The following IL37 variants were observed in gnomAD, a reference collection of about 807,000 sequenced individuals.
The protein encoded by IL37 is interleukin-37.
A neutral mutation model predicts 15.4 loss-of-function variants in IL37; 15 were observed. The ratio of observed to expected loss-of-function variants is 0.98; its 90% CI spans 0.65 to 1.50. The LOEUF (loss-of-function observed/expected upper bound fraction) is 1.50. Among genes scored for constraint, IL37 ranks in the 40% most tolerant of loss-of-function variants. The probability of loss-of-function intolerance (pLI) is 0.00; values close to 1 mark genes in which losing one functional copy is unlikely to be tolerated. For synonymous variants in IL37, 98 were observed against 97.4 expected, an observed-to-expected ratio of 1.01 and a Z score of -0.03; for missense variants, 269 against 261.7, an observed-to-expected ratio of 1.03 and a Z score of -0.19.
At position 112,917,330 on chromosome 2, in the gene IL37, A is replaced by G; in HGVS notation, c.265+82A>G. On this transcript the variant is annotated intron_variant, in intron 4 of 5. Transcript: ENST00000263326. ...TGCTAGGTGGGCTCAACTCCATGCT[A>G]TACCATGCCCCATCTCCAGCAGGTG... 6 of 1,480,164 alleles carry G rather than the reference A, an allele frequency of 4.1e-6. No individual in the cohort carries two copies. In the Admixed American group the frequency reaches 1.0e-4, roughly 25 times the overall value. 91.7% of individuals were successfully genotyped at this position (1,480,164 alleles called of 1,614,324 possible).
At chr2:112,912,718 A>C (rs1203274725) in intron 1 of IL37, among the ~76,000 whole-genome samples, 1 of 152,222 alleles carries the variant, frequency 6.6e-6, no homozygotes, top group Non-Finnish European at 1.5e-5. Context: ...TTTTTGTAAA[A>C]TGCCAAGATC....
At chr2:112,912,701 T>C (rs1220610993) in intron 1 of IL37, among the ~76,000 whole-genome samples, 1 of 152,254 alleles carries the variant, frequency 6.6e-6, no homozygotes, top group Non-Finnish European at 1.5e-5. Flanking sequence ...TTAACTTTTT[T>C]ATTTTATTTT....
chr2:112,915,747 T>C (rs1683297254), intron 3 of IL37, among the ~76,000 whole-genome samples: 1 of 152,122 alleles, frequency 6.6e-6, no homozygotes, highest in African/African-American at 2.4e-5. Context: ...GGGAGTTACT[T>C]AGGATCTTGC....
intron 3 of IL37, 39 bp downstream of exon 3, chr2:112,913,893 G>A (rs751956970): frequency 2.6e-6 from 4 of 1,541,638 alleles, no homozygotes; most frequent in Non-Finnish European, 3.6e-6. Flanking sequence ...TGGCTGAGGT[G>A]CGAGGGTGGG....
intron 1 of IL37, among the ~76,000 whole-genome samples, chr2:112,912,098 A>G (rs1051139535): frequency 1.3e-5 from 2 of 152,070 alleles, no homozygotes; most frequent in South Asian, 2.1e-4. Context: ...ACCTTTCTCA[A>G]AGGATTGGAT....
In IL37 at chr2:112,918,559, A is replaced by G. The variant is rs2104981378; in HGVS notation, c.409-2A>G. On this transcript the variant is annotated splice_acceptor_variant, in intron 5 of 5. Coordinates refer to ENST00000263326, the MANE Select transcript of IL37 (RefSeq NM_014439.4). LOFTEE classifies it high-confidence loss of function. ...ATCTAATTAATCCCTTTTACCTCACAGAAGGAGAAACTGATGAAGCTGGCT... is the reference window on the plus strand; with the variant it reads ...ATCTAATTAATCCCTTTTACCTCACGGAAGGAGAAACTGATGAAGCTGGCT... 6.2e-7 allele frequency: 1 copy of G among 1,609,280 alleles called. No individual in the cohort carries two copies. The highest frequency in any genetic ancestry group is 8.5e-7 in the Non-Finnish European group (1 of 1,177,992).
At position 112,917,630 on chromosome 2, in the gene IL37, TCCAGAGA is replaced by T; in HGVS notation, c.266-4_268del. The stretch of plus-strand genomic sequence containing the variant: ...CCCACACATGTTCTGACTGTCTTTT[TCCAGAGA>T]TCTTCTTTGCATTAGCCTCATCCTT... On this transcript the variant is annotated splice_acceptor_variant and splice_polypyrimidine_tract_variant and coding_sequence_variant and intron_variant, in exon 5 of 6. Transcript: ENST00000263326. LOFTEE classifies it high-confidence loss of function. The T allele has an allele frequency of 2.6e-6, 4 of 1,559,750 alleles. No individual in the cohort carries two copies. The highest frequency in any genetic ancestry group is 1.4e-5 in the African/African-American group (1 of 72,804).
chr2:112,918,708 C>A lies in IL37; in HGVS notation c.556C>A (p.Pro186Thr). 6.2e-7 allele frequency: 1 copy of A among 1,614,086 alleles called. No individual in the cohort carries two copies. Among genetic ancestry groups the A allele is most frequent in the Middle Eastern group, 1.6e-4 (1 of 6,062 alleles). ...CTGCACCTCCTGCAATTGTAATGAG[C>A]CTGTTGGGGTGACAGATAAATTTGA... Reference protein sequence around the residue: ...FICTSCNCNEPVGVTDKFENR... With the variant: ...FICTSCNCNETVGVTDKFENR... The change falls in exon 6 of 6, where the codon CCT becomes ACT. Residue 186 changes from proline (P) to threonine (T), a missense_variant. Physicochemically the swap from Pro to Thr is conservative, Grantham distance 38 (BLOSUM62 -1). Transcript: ENST00000263326.
At chr2:112,915,932 A>G (rs1414676893) in intron 3 of IL37, among the ~76,000 whole-genome samples, 2 of 152,154 alleles carry the variant, frequency 1.3e-5, no homozygotes, top group Non-Finnish European at 2.9e-5. Flanking sequence ...GGTACCACTG[A>G]CGAGTGCAGA....
chr2:112,916,677 G>A (rs1308212101), intron 3 of IL37, among the ~76,000 whole-genome samples: 4 of 152,116 alleles, frequency 2.6e-5, no homozygotes, highest in Non-Finnish European at 1.5e-5. Context: ...TCCAGTCAGA[G>A]GGTGCAAAAA....
Position 112,912,917 on chromosome 2 carries a change from CT to C in IL37, c.-50-45del, listed in dbSNP as rs1262233523. Reference sequence around the variant, plus strand: ...CACTAGAGACATGCAGCAAGGTGTCCTGGGGTGAGAAGATGCCATAACTGGT... The same window carrying C: ...CACTAGAGACATGCAGCAAGGTGTCCGGGGTGAGAAGATGCCATAACTGGT... On this transcript the variant is annotated intron_variant, in intron 1 of 5. Coordinates refer to ENST00000263326, the MANE Select transcript of IL37 (RefSeq NM_014439.4). 3 of 854,612 alleles carry C rather than the reference CT, an allele frequency of 3.5e-6. No homozygotes were observed. In the African/African-American group the frequency reaches 5.4e-5, roughly 15 times the overall value. The allele number at this position is 854,612 out of a possible 1,614,324, so 52.9% of individuals were successfully genotyped here.
chr2:112,912,744 G>A (rs1333889199), intron 1 of IL37, among the ~76,000 whole-genome samples: 1 of 151,884 alleles, frequency 6.6e-6, no homozygotes, highest in African/African-American at 2.4e-5. Flanking sequence ...AAATGCTATT[G>A]CACCCCGTGT....
chr2:112,912,877 CA>C (rs1399317177), intron 1 of IL37, 85 bp from the exon 2 acceptor site: 4 of 576,364 alleles, frequency 6.9e-6, no homozygotes, highest in Non-Finnish European at 1.2e-5. Context: ...AGAGCAAGGC[CA>C]GTGGTCTGTT....
At position 112,913,804 on chromosome 2, in the gene IL37, G is replaced by GC. The variant is rs1335390716; in HGVS notation, c.100dup (p.Leu34ProfsTer31). Reference sequence around the variant, plus strand: ...CGTCTGACTGCAGACCCGGCTGGAAGCCCCCTGGAACCAGGCCCAAGCCTC... The same window carrying GC: ...CGTCTGACTGCAGACCCGGCTGGAAGCCCCCCTGGAACCAGGCCCAAGCCTC... On this transcript the variant is annotated frameshift_variant, in exon 3 of 6. Transcript: ENST00000263326. LOFTEE classifies it high-confidence loss of function. The GC allele has an allele frequency of 3.1e-6, 5 of 1,613,552 alleles. No homozygotes were observed. In the Admixed American group the frequency reaches 5.0e-5, roughly 16 times the overall value.
intron 5 of IL37, among the ~76,000 whole-genome samples, chr2:112,918,312 C>CCT (rs1558803409): frequency 1.6e-5 from 1 of 62,078 alleles, no homozygotes; most frequent in Non-Finnish European, 4.6e-5. Flanking sequence ...CTGACTCTTA[C>CCT]GTCTCTCTCT....
chr2:112,913,485 G>C (rs1355010488), intron 2 of IL37, among the ~76,000 whole-genome samples: 1 of 152,182 alleles, frequency 6.6e-6, no homozygotes, highest in Non-Finnish European at 1.5e-5. Flanking sequence ...GGGCATCTGA[G>C]TATTCCATGA....
intron 4 of IL37, 123 bp from the exon 5 acceptor site, chr2:112,917,512 G>A: frequency 2.9e-6 from 3 of 1,033,166 alleles, no homozygotes; most frequent in Non-Finnish European, 4.2e-6. Context: ...CAGTGTGATG[G>A]AGGGAGAAGT....
At chr2:112,911,951 G>A (rs1425871988) in intron 1 of IL37, among the ~76,000 whole-genome samples, 1 of 152,184 alleles carries the variant, frequency 6.6e-6, no homozygotes, top group Admixed American at 6.5e-5. Flanking sequence ...TCAAATAGCA[G>A]ATATCCCTGT....
intron 5 of IL37, among the ~76,000 whole-genome samples, chr2:112,918,053 G>T (rs775675027): frequency 1.3e-5 from 2 of 152,234 alleles, no homozygotes; most frequent in African/African-American, 2.4e-5. Flanking sequence ...CCCTGGGCGG[G>T]TGGCGGTCCC....
Sources: gnomAD v4.1 joint callset for allele counts (sites outside exome capture counted in the v4.1 genomes callset) on GRCh38, gnomAD v4.1.1 for gene constraint, MANE v1.5 for transcripts, NCBI Gene and HGNC (gene_info 2026-07-23, HGNC 2026-07-21) for gene names.